NPEPPS: variants seen among roughly 807,000 people sequenced by gnomAD.
NPEPPS encodes puromycin-sensitive aminopeptidase.
A neutral mutation model predicts 115.5 loss-of-function variants in NPEPPS; 14 were observed. That is an observed-to-expected ratio of 0.12 (90% CI 0.08 to 0.19). The LOEUF (loss-of-function observed/expected upper bound fraction) is 0.19. Ranked by LOEUF, NPEPPS falls within the 10% of genes least tolerant of loss-of-function variation. The pLI, the probability that NPEPPS is intolerant of heterozygous loss-of-function variation, is 1.00. For missense variants in NPEPPS, 523 were observed against 1,110.8 expected (o/e 0.47, Z 7.52); for synonymous variants, 285 against 390.6 (o/e 0.73, Z 3.19).
intron 1 of NPEPPS, among the ~76,000 whole-genome samples, chr17:47,523,973 TTTCC>T (rs1358230873): frequency 3.2e-3 from 442 of 138,886 alleles, no homozygotes; most frequent in African/African-American, 0.011. Flanking sequence ...GATTGTTTTT[TTTCC>T]TTTCTTTTCT....
chr17:47,622,679 A>T lies in NPEPPS; in HGVS notation c.*759A>T. The T allele has an allele frequency of 2.9e-6, 1 of 348,654 alleles. No homozygotes were observed. Among genetic ancestry groups the T allele is most frequent in the Non-Finnish European group, 5.4e-6 (1 of 185,920 alleles). The allele number at this position is 348,654 out of a possible 1,614,324, so 21.6% of individuals were successfully genotyped here. A position where few individuals can be genotyped will look rare whatever the true frequency, so the allele number is the denominator to read the frequency against. Reference sequence around the variant, plus strand: ...AAGAAATAATAAGGAAACATCTTTCATAGCCACATTAAATAAGAGAAACTG... The same window carrying T: ...AAGAAATAATAAGGAAACATCTTTCTTAGCCACATTAAATAAGAGAAACTG... On this transcript the variant is annotated 3_prime_UTR_variant, in exon 23 of 23. Coordinates refer to ENST00000322157, the MANE Select transcript of NPEPPS (RefSeq NM_006310.4).
chr17:47,553,196 G>A (rs535327997), intron 2 of NPEPPS, among the ~76,000 whole-genome samples: 5 of 151,424 alleles, frequency 3.3e-5, no homozygotes, highest in South Asian at 2.1e-4. Flanking sequence ...GTGAAACCTC[G>A]TCTCTACTAA....
At chr17:47,597,060 A>AAAAT (rs1252357325) in intron 13 of NPEPPS, among the ~76,000 whole-genome samples, 1 of 152,118 alleles carries the variant, frequency 6.6e-6, no homozygotes, top group South Asian at 2.1e-4. Context: ...AAAAAAAAAA[A>AAAAT]AATCAATGTA....
At chr17:47,586,805 C>A (rs1346620604) in intron 8 of NPEPPS, 2 of 461,338 alleles carry the variant, frequency 4.3e-6, no homozygotes, top group Non-Finnish European at 8.6e-6. Context: ...CAAGTTTTTG[C>A]CTTCTACTTT....
intron 1 of NPEPPS, among the ~76,000 whole-genome samples, chr17:47,542,621 T>C (rs1363439153): frequency 2.0e-4 from 31 of 152,178 alleles, no homozygotes; most frequent in Middle Eastern, 3.4e-3. Context: ...TGATAATTCA[T>C]TGGCTCCAAG....
intron 1 of NPEPPS, among the ~76,000 whole-genome samples, chr17:47,525,500 C>T (rs1411380755): frequency 6.6e-6 from 1 of 152,094 alleles, no homozygotes; most frequent in African/African-American, 2.4e-5. Flanking sequence ...TGCAACACCA[C>T]GCCCAGCTAA....
chr17:47,596,307 A>C (rs1028817347), intron 12 of NPEPPS, 46 bp from the exon 13 acceptor site: 1 of 1,234,438 alleles, frequency 8.1e-7, no homozygotes, highest in African/African-American at 1.5e-5. Context: ...TTTGTTTAGG[A>C]AAATAAAAAT....
upstream of NPEPPS, among the ~76,000 whole-genome samples, chr17:47,527,366 C>A: frequency 6.6e-6 from 1 of 150,884 alleles, no homozygotes. Flanking sequence ...CACCTGTAAT[C>A]CCAGCTACTT....
At chr17:47,526,180 C>G (rs1382357995), upstream of NPEPPS, among the ~76,000 whole-genome samples, 1 of 152,102 alleles carries the variant, frequency 6.6e-6, no homozygotes, top group South Asian at 2.1e-4. Context: ...CCATTGCACT[C>G]CAGCCTGGGC....
intron 6 of NPEPPS, 94 bp downstream of exon 6, chr17:47,585,794 T>G (rs1362672688): frequency 2.9e-5 from 27 of 939,350 alleles, no homozygotes; most frequent in Non-Finnish European, 4.3e-5. Flanking sequence ...TTATTTATAA[T>G]TTAATCTGAA....
chr17:47,570,056 A>G (rs567676588), intron 3 of NPEPPS, among the ~76,000 whole-genome samples: 55 of 152,282 alleles, frequency 3.6e-4, no homozygotes, highest in African/African-American at 1.3e-3. Context: ...GCCAAGAAAA[A>G]CAGGACAAAA....
chr17:47,566,850 A>G (rs1214793519), intron 2 of NPEPPS, among the ~76,000 whole-genome samples: 1 of 152,034 alleles, frequency 6.6e-6, no homozygotes, highest in African/African-American at 2.4e-5. Context: ...TGAGGTGGGT[A>G]GATTGCCTGA....
At chr17:47,600,435 G>T (rs1022876773) in intron 14 of NPEPPS, among the ~76,000 whole-genome samples, 1 of 152,006 alleles carries the variant, frequency 6.6e-6, no homozygotes, top group Admixed American at 6.6e-5. Flanking sequence ...GACCCTGTCT[G>T]GGGGGAGAAA....
In NPEPPS at chr17:47,531,252, C is replaced by T; in HGVS notation, c.-49C>T. 2 of 1,486,106 alleles carry T rather than the reference C, an allele frequency of 1.3e-6. No individual in the cohort carries two copies. Among genetic ancestry groups the T allele is most frequent in the Non-Finnish European group, 1.8e-6 (2 of 1,117,964 alleles). 92.1% of individuals were successfully genotyped at this position (1,486,106 alleles called of 1,614,324 possible). ...CTCCGGCTGGGTCTCTCCCCCGCCCCCCAGGCTCCCCCGGTCGCTCTCCTC... is the reference window on the plus strand; with the variant it reads ...CTCCGGCTGGGTCTCTCCCCCGCCCTCCAGGCTCCCCCGGTCGCTCTCCTC... On this transcript the variant is annotated 5_prime_UTR_variant, in exon 1 of 23. Coordinates refer to ENST00000322157, the MANE Select transcript of NPEPPS (RefSeq NM_006310.4).
At chr17:47,559,573 C>T (rs1248193909) in intron 2 of NPEPPS, 1 of 442,572 alleles carries the variant, frequency 2.3e-6, no homozygotes, top group Non-Finnish European at 4.5e-6. Flanking sequence ...TGTTTTGTTC[C>T]CCGTTGGTTA....
At chr17:47,615,080 T>TC (rs1914118438) in intron 19 of NPEPPS, among the ~76,000 whole-genome samples, 2 of 44,046 alleles carry the variant, frequency 4.5e-5, no homozygotes, top group African/African-American at 1.1e-4. Flanking sequence ...TTTCTTTTTT[T>TC]TTTTTTTTTT....
chr17:47,574,823 C>G lies in NPEPPS; in HGVS notation c.419-4567C>G, dbSNP rs1272460961. Among the ~76,000 whole-genome samples the G allele has an allele frequency of 3.3e-5, 5 of 152,170 alleles. No individual in the cohort carries two copies. In the East Asian group the frequency reaches 9.7e-4, roughly 29 times the overall value. ...CCTAGGCTGGTCTCAAATGCCTGGC[C>G]TCAGGTGATCCTCCTACCTCAGAGA... is the stretch of plus-strand genomic sequence containing the variant. On this transcript the variant is annotated intron_variant, in intron 3 of 22. Transcript: ENST00000322157.
chr17:47,613,565 C>A, intron 18 of NPEPPS, 104 bp from the exon 19 acceptor site: 1 of 1,012,112 alleles, frequency 9.9e-7, no homozygotes, highest in Non-Finnish European at 1.5e-6. Context: ...CCGCAGCCGG[C>A]CAACATTTAC....
intron 3 of NPEPPS, among the ~76,000 whole-genome samples, chr17:47,569,807 C>T (rs1272670385): frequency 1.3e-5 from 2 of 152,010 alleles, no homozygotes; most frequent in East Asian, 3.9e-4. Context: ...TTAGTAGAGA[C>T]AAGGTTTCGC....
Sources: gnomAD v4.1 joint callset for allele counts (sites outside exome capture counted in the v4.1 genomes callset) on GRCh38, gnomAD v4.1.1 for gene constraint, MANE v1.5 for transcripts, NCBI Gene and HGNC (gene_info 2026-07-23, HGNC 2026-07-21) for gene names.